Variants in KIF3C observed in about 807,000 individuals in gnomAD.
KIF3C encodes the protein kinesin family member 3C.
KIF3C carries 12 observed loss-of-function variants against 67.7 expected under a neutral mutation model. The ratio of observed to expected loss-of-function variants is 0.18; its 90% CI spans 0.11 to 0.29. The LOEUF (loss-of-function observed/expected upper bound fraction) is 0.29, where lower values mean the gene tolerates loss of function less well. Among genes scored for constraint, KIF3C ranks in the 10% least tolerant of loss-of-function variants. The pLI, the probability that KIF3C is intolerant of heterozygous loss-of-function variation, is 1.00. For synonymous variants in KIF3C, 393 were observed against 426.2 expected, an observed-to-expected ratio of 0.92 and a Z score of 0.96; for missense variants, 789 against 1,059.6, an observed-to-expected ratio of 0.74 and a Z score of 3.55.
At chr2:25,942,155 C>T (rs564907583) in intron 5 of KIF3C, among the ~76,000 whole-genome samples, 10 of 151,932 alleles carry the variant, frequency 6.6e-5, no homozygotes, top group Non-Finnish European at 7.4e-5. Context: ...GTCAGGAGTT[C>T]GAGACCAGCC....
At chr2:25,976,728 C>T (rs1375967514) in intron 1 of KIF3C, among the ~76,000 whole-genome samples, 1 of 152,126 alleles carries the variant, frequency 6.6e-6, no homozygotes, top group African/African-American at 2.4e-5. Flanking sequence ...CCATTGCACT[C>T]CAGCCTCAGC....
intron 5 of KIF3C, among the ~76,000 whole-genome samples, chr2:25,946,090 G>A (rs1465306361): frequency 1.3e-5 from 2 of 152,050 alleles, no homozygotes; most frequent in Admixed American, 6.6e-5. Flanking sequence ...TACAGTCTGG[G>A]TGACATAGCG....
At chr2:25,953,038 G>A (rs1180763818) in intron 4 of KIF3C, among the ~76,000 whole-genome samples, 1 of 151,872 alleles carries the variant, frequency 6.6e-6, no homozygotes, top group African/African-American at 2.4e-5. Context: ...GGAGGCCGAG[G>A]AGGACGGATC....
Position 25,929,010 on chromosome 2 carries a change from GA to G in KIF3C, c.2349del (p.Leu784CysfsTer21). ...TGGTCCGCCACTGTTGCAGGGCGCA[GA>G]GAAGCAGAGGCCAGGGAGGCATGTG... ...STTHASLASA[S>X]LRPATVADHE is the part of the protein sequence containing the mutation. On this transcript the variant is annotated frameshift_variant, in exon 8 of 8. Transcript: ENST00000264712. LOFTEE classifies it high-confidence loss of function. The G allele has an allele frequency of 6.2e-7, 1 of 1,613,844 alleles. No individual in the cohort carries two copies. Among genetic ancestry groups the G allele is most frequent in the Non-Finnish European group, 8.5e-7 (1 of 1,179,990 alleles).
Position 25,980,508 on chromosome 2 carries a change from C to T in KIF3C, c.1410G>A (p.Glu470=). 6.2e-7 allele frequency: 1 copy of T among 1,614,162 alleles called. No individual in the cohort carries two copies. The highest frequency in any genetic ancestry group is 8.5e-7 in the Non-Finnish European group (1 of 1,180,022). Residue 470 remains glutamate (E), a synonymous_variant, in exon 1 of 8, where the codon GAG becomes GAA. Transcript: ENST00000264712. The surrounding 1 kb of genome is among the most constrained non-coding windows in gnomAD (Gnocchi z 7.6). ...YLQEQKERLE[E]EKAAIQDDRS... is the part of the protein sequence containing the mutation. ...GGTCATCCTGGATGGCTGCCTTCTC[C>T]TCCTCCAGCCGCTCCTTCTGTTCCT...
chr2:25,947,939 A>G (rs984100794), intron 5 of KIF3C, among the ~76,000 whole-genome samples: 19 of 152,240 alleles, frequency 1.2e-4, no homozygotes, highest in Non-Finnish European at 2.6e-4. Flanking sequence ...AGGCTAGAGT[A>G]CAGTGGCATG....
chr2:25,928,577 A>G lies in KIF3C; in HGVS notation c.*401T>C, dbSNP rs1467921021. 6.2e-6 allele frequency: 1 copy of G among 161,456 alleles called. No homozygotes were observed. Among genetic ancestry groups the G allele is most frequent in the African/African-American group, 2.4e-5 (1 of 41,564 alleles). 10.0% of individuals were successfully genotyped at this position (161,456 alleles called of 1,614,324 possible). A position where few individuals can be genotyped will look rare whatever the true frequency, so the allele number is the denominator to read the frequency against. On this transcript the variant is annotated 3_prime_UTR_variant, in exon 8 of 8. Coordinates refer to ENST00000264712, the MANE Select transcript of KIF3C (RefSeq NM_002254.8). ...CTGCTCGCCATCAGTGTGGGAGAAG[A>G]TGGAGGTTATGGAGTGCGGTGGGTA...
At chr2:25,937,534 C>A (rs1663166505) in intron 5 of KIF3C, among the ~76,000 whole-genome samples, 1 of 152,150 alleles carries the variant, frequency 6.6e-6, no homozygotes, top group South Asian at 2.1e-4. Context: ...GCAGACGCTG[C>A]TGGAAATGCA....
At chr2:25,950,087 T>C (rs1663555443) in intron 5 of KIF3C, among the ~76,000 whole-genome samples, 1 of 150,570 alleles carries the variant, frequency 6.6e-6, no homozygotes, top group Non-Finnish European at 1.5e-5. Context: ...AGACGGGGTT[T>C]CACCACGTTG....
chr2:25,936,663 T>C (rs1186479734), intron 5 of KIF3C, among the ~76,000 whole-genome samples: 1 of 152,106 alleles, frequency 6.6e-6, no homozygotes. Context: ...AATGGAAGTG[T>C]TGCATTGCAG....
intron 5 of KIF3C, among the ~76,000 whole-genome samples, chr2:25,942,908 C>G (rs1459093728): frequency 6.6e-6 from 1 of 152,140 alleles, no homozygotes; most frequent in Admixed American, 6.6e-5. Flanking sequence ...GAGAGAGGCA[C>G]TGGTCAGAGG....
At chr2:25,973,946 A>G (rs139894393) in intron 1 of KIF3C, among the ~76,000 whole-genome samples, 1 of 152,366 alleles carries the variant, frequency 6.6e-6, no homozygotes, top group Non-Finnish European at 1.5e-5. Context: ...TGTGTTTAAT[A>G]TATCAGGAAG....
chr2:25,941,579 A>C (rs1417706261), intron 5 of KIF3C, among the ~76,000 whole-genome samples: 1 of 151,206 alleles, frequency 6.6e-6, no homozygotes, highest in Admixed American at 6.6e-5. Context: ...AAGAAGAAGA[A>C]GACAATTTTA....
Position 25,981,268 on chromosome 2 carries a change from T to G in KIF3C, c.650A>C (p.His217Pro). ...THMNEVSSRS[H>P]AIFIITVECS... ...CTCCACAGTGATGATGAAGATGGCA[T>G]GGGAGCGGGAGCTGACCTCATTCAT... The change falls in exon 1 of 8, where the codon CAT (histidine) becomes CCT (proline). Residue 217 changes from histidine to proline, a missense_variant. Transcript: ENST00000264712. The surrounding 1 kb of genome is among the most constrained non-coding windows in gnomAD (Gnocchi z 8.2). The G allele has an allele frequency of 6.2e-7, 1 of 1,614,188 alleles. No individual in the cohort carries two copies. Among genetic ancestry groups the G allele is most frequent in the Non-Finnish European group, 8.5e-7 (1 of 1,180,032 alleles).
chr2:25,934,726 T>C (rs1311898347), intron 5 of KIF3C, among the ~76,000 whole-genome samples: 1 of 152,180 alleles, frequency 6.6e-6, no homozygotes, highest in Non-Finnish European at 1.5e-5. Context: ...GGTGAACTTA[T>C]GATAGGTCAA....
chr2:25,952,410 C>A (rs1238666044), intron 4 of KIF3C, among the ~76,000 whole-genome samples: 2 of 152,064 alleles, frequency 1.3e-5, no homozygotes, highest in Admixed American at 6.6e-5. Flanking sequence ...TACAGAAATA[C>A]TGCAGCTTGA....
At chr2:25,947,334 C>T (rs1663470351) in intron 5 of KIF3C, among the ~76,000 whole-genome samples, 1 of 152,124 alleles carries the variant, frequency 6.6e-6, no homozygotes, top group African/African-American at 2.4e-5. Context: ...GTAATCCCAG[C>T]ACTTTGGGAG....
At chr2:25,929,185 A>C in intron 7 of KIF3C, 114 bp from the exon 8 acceptor site, 1 of 1,392,164 alleles carries the variant, frequency 7.2e-7, no homozygotes, top group Non-Finnish European at 1.0e-6. Context: ...TGACATCCCC[A>C]GTCACCCCTT....
intron 1 of KIF3C, among the ~76,000 whole-genome samples, chr2:25,968,820 CTT>C (rs71399338): frequency 1.4e-5 from 2 of 144,612 alleles, no homozygotes; most frequent in South Asian, 2.2e-4. Context: ...AAGGAATCAT[CTT>C]TTTTTTTTTT....
Sources: gnomAD v4.1 joint callset for allele counts (sites outside exome capture counted in the v4.1 genomes callset) on GRCh38, gnomAD v4.1.1 for gene constraint, Gnocchi (gnomAD v3.1) non-coding constraint, MANE v1.5 for transcripts, NCBI Gene and HGNC (gene_info 2026-07-23, HGNC 2026-07-21) for gene names.